GALNT2: variants seen among roughly 807,000 people sequenced by gnomAD.
GALNT2 encodes polypeptide N-acetylgalactosaminyltransferase 2.
A neutral mutation model predicts 81.4 loss-of-function variants in GALNT2; 31 were observed. The observed-to-expected ratio is 0.38, with a 90% CI of 0.29 to 0.51. GALNT2 has a LOEUF of 0.51. Among genes scored for constraint, GALNT2 ranks in the 20% least tolerant of loss-of-function variants. The pLI, the probability that GALNT2 is intolerant of heterozygous loss-of-function variation, is 0.87. For missense variants in GALNT2, 629 were observed against 765.7 expected (o/e 0.82, Z 2.11); for synonymous variants, 303 against 287.4 (o/e 1.05, Z -0.55).
chr1:230,206,647 T>G (rs1664066569), intron 3 of GALNT2, among the ~76,000 whole-genome samples: 1 of 152,248 alleles, frequency 6.6e-6, no homozygotes. Context: ...AAATGTTTTT[T>G]GTCTCTGCAG....
At chr1:230,077,664 C>T (rs907484517) in intron 1 of GALNT2, among the ~76,000 whole-genome samples, 12 of 152,168 alleles carry the variant, frequency 7.9e-5, no homozygotes, top group Admixed American at 7.9e-4. Context: ...CTCTGAGTCA[C>T]TTTTTGACTC....
intron 1 of GALNT2, among the ~76,000 whole-genome samples, chr1:230,106,648 A>G (rs67093013): frequency 0.16 from 24,926 of 152,176 alleles, 2,128 homozygotes; most frequent in South Asian, 0.23. Flanking sequence ...GTAAGAGTGC[A>G]TTTGTTGATA....
At chr1:230,075,949 C>T (rs1383716323) in intron 1 of GALNT2, among the ~76,000 whole-genome samples, 1 of 152,152 alleles carries the variant, frequency 6.6e-6, no homozygotes, top group Non-Finnish European at 1.5e-5. Context: ...GGTGATCTCT[C>T]TACTCCTTGG....
intron 14 of GALNT2, among the ~76,000 whole-genome samples, chr1:230,270,568 C>A (rs76620911): frequency 1.1e-3 from 160 of 152,346 alleles, no homozygotes; most frequent in African/African-American, 3.6e-3. Flanking sequence ...GCACATTAGA[C>A]AGTACGGCTC....
rs115520379 is a variant in GALNT2 at position 230,275,329 on chromosome 1, A to G, written c.1560+765A>G. On this transcript the variant is annotated intron_variant, in intron 15 of 15. Coordinates refer to ENST00000366672, the MANE Select transcript of GALNT2 (RefSeq NM_004481.5). The surrounding 1 kb of genome is among the most constrained non-coding windows in gnomAD (Gnocchi z 5.5). ...ATATAAACGCCACATATATATACAC[A>G]CCACATATGTATACATATATATACA... Among the ~76,000 whole-genome samples the G allele has an allele frequency of 0.014, 2,108 of 151,696 alleles. 57 individuals are homozygous for G. The highest frequency in any genetic ancestry group is 0.048 in the African/African-American group (1,999 of 41,330).
At chr1:230,209,852 G>T (rs1348995107) in intron 3 of GALNT2, among the ~76,000 whole-genome samples, 1 of 152,040 alleles carries the variant, frequency 6.6e-6, no homozygotes, top group Non-Finnish European at 1.5e-5. Context: ...TATTGTTTAA[G>T]GTCCCGTCTG....
intron 1 of GALNT2, among the ~76,000 whole-genome samples, chr1:230,059,923 G>A (rs567119512): frequency 1.3e-5 from 2 of 151,996 alleles, no homozygotes; most frequent in Non-Finnish European, 2.9e-5. Flanking sequence ...AGCAACTATA[G>A]TACAGTTAGC....
chr1:230,262,647 G>T lies in GALNT2; in HGVS notation c.1211G>T (p.Arg404Ile), dbSNP rs778173705. The T allele has an allele frequency of 5.8e-5, 94 of 1,610,444 alleles. No individual in the cohort carries two copies. Among genetic ancestry groups the T allele is most frequent in the Non-Finnish European group, 8.0e-5 (94 of 1,177,774 alleles). The change falls in exon 12 of 16, where the codon AGA (arginine) becomes ATA (isoleucine). Residue 404 changes from arginine to isoleucine, a missense_variant. Arg to Ile is a moderately conservative substitution (Grantham distance 97, BLOSUM62 -3). This residue lies in a region of GALNT2 where 207 missense variants were observed against 225.5 expected (regional missense o/e 0.92). Transcript: ENST00000366672. ...TATTATGCAGCAGTGCCTTCTGCTA[G>T]AAACGTTCCTTATGGAAAGTAAGTG... is the stretch of plus-strand genomic sequence containing the variant. Reference protein sequence around the residue: ...NFYYAAVPSARNVPYGNIQSR... With the variant: ...NFYYAAVPSAINVPYGNIQSR...
intron 11 of GALNT2, chr1:230,255,580 C>A: frequency 7.3e-6 from 4 of 551,430 alleles, no homozygotes; most frequent in Non-Finnish European, 1.3e-5. Context: ...CCACTCATGT[C>A]ACAGCCTCAT....
chr1:230,269,921 G>T (rs1666126266), intron 14 of GALNT2, among the ~76,000 whole-genome samples: 1 of 152,016 alleles, frequency 6.6e-6, no homozygotes, highest in Non-Finnish European at 1.5e-5. Flanking sequence ...ATAAATTAGG[G>T]CCGGGCACGG....
intron 10 of GALNT2, among the ~76,000 whole-genome samples, chr1:230,254,937 A>T (rs188793426): frequency 6.6e-6 from 1 of 152,356 alleles, no homozygotes; most frequent in East Asian, 1.9e-4. Context: ...TTCTTGTCTC[A>T]AGGTGTCTAC....
intron 3 of GALNT2, among the ~76,000 whole-genome samples, chr1:230,206,511 CAA>C (rs1262154140): frequency 1.3e-5 from 2 of 152,158 alleles, no homozygotes; most frequent in Non-Finnish European, 2.9e-5. Flanking sequence ...TTTAATGTCT[CAA>C]AGTGTAAGCT....
chr1:230,120,267 G>A (rs1407323987), intron 1 of GALNT2, among the ~76,000 whole-genome samples: 1 of 152,164 alleles, frequency 6.6e-6, no homozygotes, highest in Admixed American at 6.5e-5. Context: ...TAACCAGCTT[G>A]CCCTGTCTTT....
intron 1 of GALNT2, among the ~76,000 whole-genome samples, chr1:230,067,879 GTCAC>G (rs1359057504): frequency 6.6e-6 from 1 of 152,180 alleles, no homozygotes; most frequent in Non-Finnish European, 1.5e-5. Context: ...CTTTCCCCCT[GTCAC>G]TCCGCGGGGC....
intron 1 of GALNT2, among the ~76,000 whole-genome samples, chr1:230,068,520 A>G (rs982256994): frequency 1.3e-5 from 2 of 152,230 alleles, no homozygotes; most frequent in Non-Finnish European, 2.9e-5. Flanking sequence ...ATGGAGATGG[A>G]CTACGGGTGG....
chr1:230,249,230 G>A lies in GALNT2; in HGVS notation c.864G>A (p.Glu288=). The A allele has an allele frequency of 6.2e-7, 1 of 1,614,152 alleles. No homozygotes were observed. The highest frequency in any genetic ancestry group is 1.1e-5 in the South Asian group (1 of 91,082). The change falls in exon 9 of 16, where the codon GAG becomes GAA. Residue 288 remains glutamate (E), a synonymous_variant. Coordinates refer to ENST00000366672, the MANE Select transcript of GALNT2 (RefSeq NM_004481.5). ...TCAAGTGGGATTACATGACGCCTGA[G>A]CAGAGAAGGTCCCGGCAGGGGAACC... ...LVFKWDYMTP[E]QRRSRQGNPV... is the part of the protein sequence containing the mutation.
intron 1 of GALNT2, among the ~76,000 whole-genome samples, chr1:230,072,812 G>T (rs1247832726): frequency 6.6e-6 from 1 of 152,214 alleles, no homozygotes; most frequent in Non-Finnish European, 1.5e-5. Flanking sequence ...TCAAAGGGTT[G>T]AATCCTGACA....
intron 1 of GALNT2, among the ~76,000 whole-genome samples, chr1:230,145,923 A>G (rs75133524): frequency 0.01 from 1,557 of 152,258 alleles, 27 homozygotes; most frequent in African/African-American, 0.036. Flanking sequence ...CGCCGCTTGC[A>G]TTTTTATTAT....
chr1:230,213,246 G>A (rs550808334), intron 3 of GALNT2, among the ~76,000 whole-genome samples: 1 of 152,344 alleles, frequency 6.6e-6, no homozygotes, highest in Non-Finnish European at 1.5e-5. Context: ...AGGCAGACAA[G>A]GAAACAGGCA....
Sources: allele counts gnomAD v4.1 joint callset (sites outside exome capture counted in the v4.1 genomes callset), GRCh38; gene constraint gnomAD v4.1.1; regional missense constraint gnomAD v4.1.1; non-coding constraint Gnocchi (gnomAD v3.1); transcripts MANE v1.5; gene names NCBI Gene and HGNC (gene_info 2026-07-23, HGNC 2026-07-21).